The following CSRNP3 variants were observed in gnomAD, a reference collection of about 807,000 sequenced individuals.
CSRNP3 encodes the protein cysteine and serine rich nuclear protein 3.
Under a neutral mutation model 48.0 loss-of-function variants are expected in CSRNP3, and 12 were observed. The observed-to-expected ratio is 0.25, with a 90% CI of 0.16 to 0.41. CSRNP3 has a LOEUF of 0.41. Among genes scored for constraint, CSRNP3 ranks in the 10% least tolerant of loss-of-function variants. CSRNP3 has a pLI of 1.00. For synonymous variants in CSRNP3, 263 were observed against 269.7 expected (o/e 0.98, Z 0.24); for missense variants, 580 against 724.4 (o/e 0.80, Z 2.29).
intron 3 of CSRNP3, among the ~76,000 whole-genome samples, chr2:165,532,292 T>A (rs983429100): frequency 2.0e-5 from 3 of 152,064 alleles, no homozygotes; most frequent in Admixed American, 1.3e-4. Context: ...TTGATGAACA[T>A]CGATGCAAAA....
At chr2:165,515,801 C>CTTT (rs532831528) in intron 2 of CSRNP3, among the ~76,000 whole-genome samples, 25 of 105,984 alleles carry the variant, frequency 2.4e-4, no homozygotes, top group East Asian at 6.2e-4. Flanking sequence ...CTTTTCCTTT[C>CTTT]TTTTTTTTTT....
At chr2:165,535,416 T>G (rs1033014541) in intron 3 of CSRNP3, among the ~76,000 whole-genome samples, 4 of 151,732 alleles carry the variant, frequency 2.6e-5, no homozygotes, top group African/African-American at 7.3e-5. Flanking sequence ...AAGAAAACCT[T>G]GTCATCTCAG....
intron 3 of CSRNP3, among the ~76,000 whole-genome samples, chr2:165,590,739 A>C (rs1685702916): frequency 6.6e-6 from 1 of 152,192 alleles, no homozygotes; most frequent in African/African-American, 2.4e-5. Flanking sequence ...CCATGTGAAG[A>C]AGGACGTGTT....
At chr2:165,507,131 T>G (rs1684436801) in intron 2 of CSRNP3, among the ~76,000 whole-genome samples, 1 of 152,326 alleles carries the variant, frequency 6.6e-6, no homozygotes, top group East Asian at 1.9e-4. Context: ...TTCTATCACA[T>G]TCTGTTCCGT....
chr2:165,480,839 T>A (rs964861821), intron 1 of CSRNP3, among the ~76,000 whole-genome samples: 1 of 146,798 alleles, frequency 6.8e-6, no homozygotes, highest in Non-Finnish European at 1.5e-5. Flanking sequence ...AATATATATT[T>A]TATATATGTA....
At chr2:165,607,699 G>A (rs2105307108) in intron 4 of CSRNP3, among the ~76,000 whole-genome samples, 1 of 152,180 alleles carries the variant, frequency 6.6e-6, no homozygotes, top group South Asian at 2.1e-4. Flanking sequence ...AAAATATGTA[G>A]GTTTGCTCTG....
chr2:165,569,055 ATCT>A (rs909523314), intron 3 of CSRNP3, among the ~76,000 whole-genome samples: 2 of 152,072 alleles, frequency 1.3e-5, no homozygotes, highest in Non-Finnish European at 2.9e-5. Flanking sequence ...AGAGACTATG[ATCT>A]TCTTGAGAAC....
intron 3 of CSRNP3, among the ~76,000 whole-genome samples, chr2:165,591,577 C>A (rs897576341): frequency 2.6e-5 from 4 of 152,166 alleles, no homozygotes; most frequent in Non-Finnish European, 5.9e-5. Context: ...GGCCCAGGGA[C>A]CCCCTGTTCT....
chr2:165,567,327 C>A (rs1226230900), intron 3 of CSRNP3, among the ~76,000 whole-genome samples: 1 of 152,022 alleles, frequency 6.6e-6, no homozygotes, highest in Non-Finnish European at 1.5e-5. Context: ...TCGATAAATG[C>A]TGTTTTCTAA....
intron 4 of CSRNP3, among the ~76,000 whole-genome samples, chr2:165,637,015 CTTGTTTTG>C (rs1029260590): frequency 3.3e-5 from 5 of 151,984 alleles, no homozygotes; most frequent in Non-Finnish European, 5.9e-5. Flanking sequence ...GTTTGGTTGG[CTTGTTTTG>C]TTGTTTTGTT....
At chr2:165,617,086 C>T (rs780452726) in intron 4 of CSRNP3, among the ~76,000 whole-genome samples, 6 of 152,076 alleles carry the variant, frequency 3.9e-5, no homozygotes, top group Non-Finnish European at 7.4e-5. Flanking sequence ...ATTGTCTATC[C>T]GTATTCTCTT....
intron 4 of CSRNP3, among the ~76,000 whole-genome samples, chr2:165,652,249 C>T (rs973132413): frequency 6.6e-6 from 1 of 151,956 alleles, no homozygotes; most frequent in Non-Finnish European, 1.5e-5. Context: ...CGGTGGCTCA[C>T]GCCTGTAATC....
chr2:165,669,308 G>T (rs202088938), intron 5 of CSRNP3, among the ~76,000 whole-genome samples: 2 of 151,840 alleles, frequency 1.3e-5, no homozygotes, highest in East Asian at 3.9e-4. Flanking sequence ...ATTTTGTTTT[G>T]CCCTGGCATT....
chr2:165,618,782 T>TA (rs1188469815), intron 4 of CSRNP3, among the ~76,000 whole-genome samples: 6 of 152,144 alleles, frequency 3.9e-5, no homozygotes, highest in African/African-American at 1.4e-4. Flanking sequence ...GAAGACTGTA[T>TA]TAGGAGAAAA....
chr2:165,664,737 T>G lies in CSRNP3; in HGVS notation c.408+6717T>G, dbSNP rs534293009. On this transcript the variant is annotated intron_variant, in intron 5 of 6. Coordinates refer to ENST00000651982, the MANE Select transcript of CSRNP3 (RefSeq NM_001172173.2). Reference sequence around the variant, plus strand: ...TGCTCCAGGAATATGTTACGTTATCTTCTCCCAAGTTCGGGATGTTCTTTC... The same window carrying G: ...TGCTCCAGGAATATGTTACGTTATCGTCTCCCAAGTTCGGGATGTTCTTTC... Among the ~76,000 whole-genome samples the G allele has an allele frequency of 1.2e-3, 177 of 152,308 alleles. 1 individual carries two copies. Among genetic ancestry groups the G allele is most frequent in the African/African-American group, 3.9e-3 (161 of 41,568 alleles).
At chr2:165,655,369 A>G (rs1024172280) in intron 4 of CSRNP3, among the ~76,000 whole-genome samples, 1 of 152,188 alleles carries the variant, frequency 6.6e-6, no homozygotes, top group Non-Finnish European at 1.5e-5. Context: ...TTAACCGTTG[A>G]TAATTTGGTT....
chr2:165,474,946 G>A (rs964735794), intron 1 of CSRNP3, among the ~76,000 whole-genome samples: 1 of 152,130 alleles, frequency 6.6e-6, no homozygotes, highest in Non-Finnish European at 1.5e-5. Flanking sequence ...TTTAGCAAGT[G>A]TGGATACAGT....
Position 165,657,809 on chromosome 2 carries a change from A to AT in CSRNP3, c.201dup (p.Ser68Ter). ...AAACGACTGAGGACAAAGAATGTAC[A>AT]TTTTAGTTGTGTCACCGTGTACTAC... On this transcript the variant is annotated frameshift_variant, in exon 5 of 7. Coordinates refer to ENST00000651982, the MANE Select transcript of CSRNP3 (RefSeq NM_001172173.2). LOFTEE classifies it high-confidence loss of function. 1 of 1,614,092 alleles carries AT rather than the reference A, an allele frequency of 6.2e-7. No individual in the cohort carries two copies. The highest frequency in any genetic ancestry group is 8.5e-7 in the Non-Finnish European group (1 of 1,179,990).
At chr2:165,579,831 T>A (rs2105281637) in intron 3 of CSRNP3, among the ~76,000 whole-genome samples, 1 of 152,058 alleles carries the variant, frequency 6.6e-6, no homozygotes, top group South Asian at 2.1e-4. Flanking sequence ...ACTTAAAAAT[T>A]ATTTTAATAG....
Sources: gnomAD v4.1 joint callset for allele counts (sites outside exome capture counted in the v4.1 genomes callset) on GRCh38, gnomAD v4.1.1 for gene constraint, MANE v1.5 for transcripts, NCBI Gene and HGNC (gene_info 2026-07-23, HGNC 2026-07-21) for gene names.